Variants in SLC35F1 observed in about 807,000 individuals in gnomAD.
The protein encoded by SLC35F1 is chromosome 6 open reading frame 169.
A neutral mutation model predicts 48.7 loss-of-function variants in SLC35F1; 14 were observed. That is an observed-to-expected ratio of 0.29 (90% CI 0.19 to 0.45). SLC35F1 has a LOEUF of 0.45. Among genes scored for constraint, SLC35F1 ranks in the 20% least tolerant of loss-of-function variants. The probability of loss-of-function intolerance (pLI) is 1.00; values close to 1 mark genes in which losing one functional copy is unlikely to be tolerated. For synonymous variants in SLC35F1, 190 were observed against 202.2 expected (o/e 0.94, Z 0.51); for missense variants, 404 against 500.0 (o/e 0.81, Z 1.83).
Position 117,940,273 on chromosome 6 carries a change from T to C in SLC35F1, c.173+32374T>C, listed in dbSNP as rs1776212463. 1.3e-5 allele frequency among the ~76,000 whole-genome samples: 2 copies of C among 152,188 alleles called. 1 individual carries two copies. Among genetic ancestry groups the C allele is most frequent in the African/African-American group, 4.8e-5 (2 of 41,454 alleles). ...GAGTCTTCTATTCACTGTTGGGGGATAGCCATAGGTACTTTTTGTTGAAGT... is the reference window on the plus strand; with the variant it reads ...GAGTCTTCTATTCACTGTTGGGGGACAGCCATAGGTACTTTTTGTTGAAGT... On this transcript the variant is annotated intron_variant, in intron 1 of 7. Transcript: ENST00000360388.
At chr6:118,090,710 C>G (rs1172600796) in intron 1 of SLC35F1, among the ~76,000 whole-genome samples, 3 of 152,070 alleles carry the variant, frequency 2.0e-5, no homozygotes, top group African/African-American at 7.2e-5. Flanking sequence ...CTTTCTAGAG[C>G]ATAAGGATTG....
chr6:118,083,901 T>C (rs1387006270), intron 1 of SLC35F1, among the ~76,000 whole-genome samples: 1 of 152,224 alleles, frequency 6.6e-6, no homozygotes, highest in Non-Finnish European at 1.5e-5. Flanking sequence ...CTGAGGTTAT[T>C]GAATGACATT....
chr6:117,927,361 T>C (rs957270905), intron 1 of SLC35F1, among the ~76,000 whole-genome samples: 1 of 152,206 alleles, frequency 6.6e-6, no homozygotes, highest in African/African-American at 2.4e-5. Context: ...GTGGGACTTG[T>C]AGTTATTATG....
intron 1 of SLC35F1, among the ~76,000 whole-genome samples, chr6:117,966,131 G>GCCCCCCCCCCCCCCCC (rs35420310): frequency 4.0e-5 from 4 of 101,098 alleles, no homozygotes; most frequent in Admixed American, 9.3e-5. Context: ...GCAGGCCACC[G>GCCCCCCCCCCCCCCCC]CCCCCCCCCC....
At chr6:118,039,039 T>G (rs1772173527) in intron 1 of SLC35F1, among the ~76,000 whole-genome samples, 1 of 152,208 alleles carries the variant, frequency 6.6e-6, no homozygotes, top group Non-Finnish European at 1.5e-5. Context: ...CTGAACTCAT[T>G]TATTAACTGT....
At chr6:117,991,727 C>T (rs1776921732) in intron 1 of SLC35F1, among the ~76,000 whole-genome samples, 1 of 152,102 alleles carries the variant, frequency 6.6e-6, no homozygotes, top group South Asian at 2.1e-4. Context: ...TCTCTTGGTA[C>T]CTTTGACAAT....
At chr6:118,199,913 A>G (rs1393490003) in intron 2 of SLC35F1, among the ~76,000 whole-genome samples, 3 of 152,214 alleles carry the variant, frequency 2.0e-5, no homozygotes, top group Non-Finnish European at 2.9e-5. Flanking sequence ...GTTGTATTAA[A>G]TGTTTCAAAT....
At chr6:118,244,115 A>G (rs974333507) in intron 3 of SLC35F1, among the ~76,000 whole-genome samples, 2 of 152,246 alleles carry the variant, frequency 1.3e-5, no homozygotes, top group East Asian at 1.9e-4. Flanking sequence ...AAACACCTGC[A>G]TATCATCAGA....
At chr6:118,285,123 T>C in intron 6 of SLC35F1, 61 bp from the exon 7 acceptor site, 1 of 1,583,466 alleles carries the variant, frequency 6.3e-7, no homozygotes. Context: ...TTTCCTGCTG[T>C]GGATGCTGAA....
intron 1 of SLC35F1, among the ~76,000 whole-genome samples, chr6:118,003,398 T>G (rs1777131602): frequency 6.6e-6 from 1 of 152,146 alleles, no homozygotes; most frequent in Admixed American, 6.5e-5. Flanking sequence ...GTGCAGCAGG[T>G]TCTGGTTGGT....
chr6:118,032,661 T>A (rs1772071243), intron 1 of SLC35F1, among the ~76,000 whole-genome samples: 1 of 152,202 alleles, frequency 6.6e-6, no homozygotes, highest in Admixed American at 6.5e-5. Context: ...TAAAAATGAT[T>A]CTTAGAAATG....
chr6:118,287,452 G>A (rs1178972372), intron 7 of SLC35F1, among the ~76,000 whole-genome samples: 1 of 152,168 alleles, frequency 6.6e-6, no homozygotes, highest in East Asian at 1.9e-4. Flanking sequence ...TCTGCTGAGG[G>A]CTGCAGTCAC....
intron 2 of SLC35F1, among the ~76,000 whole-genome samples, chr6:118,209,752 A>G (rs1250103733): frequency 1.3e-5 from 2 of 152,172 alleles, no homozygotes; most frequent in Non-Finnish European, 2.9e-5. Flanking sequence ...TGGCCAGTAG[A>G]GTACTAAAAT....
intron 2 of SLC35F1, among the ~76,000 whole-genome samples, chr6:118,157,050 T>C (rs973451040): frequency 1.3e-5 from 2 of 152,216 alleles, no homozygotes; most frequent in South Asian, 2.1e-4. Context: ...CCACTATGTA[T>C]GTAAATTATC....
At chr6:118,263,792 A>G (rs1328945904) in intron 3 of SLC35F1, among the ~76,000 whole-genome samples, 1 of 152,160 alleles carries the variant, frequency 6.6e-6, no homozygotes, top group South Asian at 2.1e-4. Context: ...AACTGTTGAA[A>G]AATTATTTTG....
chr6:118,072,571 G>GA (rs555735923), intron 1 of SLC35F1, among the ~76,000 whole-genome samples: 120 of 148,106 alleles, frequency 8.1e-4, no homozygotes, highest in African/African-American at 2.4e-3. Flanking sequence ...CTCAAAAAAA[G>GA]AAAAAAAAAA....
intron 1 of SLC35F1, among the ~76,000 whole-genome samples, chr6:118,047,799 G>C (rs560766682): frequency 6.6e-6 from 1 of 152,192 alleles, no homozygotes; most frequent in African/African-American, 2.4e-5. Flanking sequence ...GCGCATGTTG[G>C]GAGTGGATAA....
chr6:117,935,681 A>G (rs987733912), intron 1 of SLC35F1, among the ~76,000 whole-genome samples: 1 of 152,182 alleles, frequency 6.6e-6, no homozygotes, highest in Non-Finnish European at 1.5e-5. Context: ...AATCACCAAC[A>G]AAATGCACAA....
chr6:117,923,643 G>GTGCACATA (rs1775943209), intron 1 of SLC35F1, among the ~76,000 whole-genome samples: 1 of 58,738 alleles, frequency 1.7e-5, no homozygotes, highest in Non-Finnish European at 3.8e-5. Flanking sequence ...ATGTACATAT[G>GTGCACATA]TACATATGTA....
Sources: allele counts gnomAD v4.1 joint callset (sites outside exome capture counted in the v4.1 genomes callset), GRCh38; gene constraint gnomAD v4.1.1; transcripts MANE v1.5; gene names NCBI Gene and HGNC (gene_info 2026-07-23, HGNC 2026-07-21).